The following PPM1K variants were observed in gnomAD, a reference collection of about 807,000 sequenced individuals.
PPM1K encodes the protein protein phosphatase, Mg2+/Mn2+ dependent 1K.
Under a neutral mutation model 32.6 loss-of-function variants are expected in PPM1K, and 19 were observed. The ratio of observed to expected loss-of-function variants is 0.58; its 90% confidence interval spans 0.41 to 0.86. PPM1K has a LOEUF of 0.86. Ranked by LOEUF, PPM1K falls within the 40% of genes least tolerant of loss-of-function variation. The pLI, the probability that PPM1K is intolerant of heterozygous loss-of-function variation, is 0.00. For synonymous variants in PPM1K, 159 were observed against 165.3 expected (o/e 0.96, Z 0.29); for missense variants, 362 against 461.2 (o/e 0.78, Z 1.97).
chr4:88,275,035 T>A, intron 3 of PPM1K: 1 of 794,272 alleles, frequency 1.3e-6, no homozygotes, highest in Non-Finnish European at 1.5e-6. Context: ...GAGCATCATC[T>A]TGTCTTGCTC....
At chr4:88,270,000 A>C (rs1484514153) in intron 3 of PPM1K, among the ~76,000 whole-genome samples, 1 of 152,258 alleles carries the variant, frequency 6.6e-6, no homozygotes, top group African/African-American at 2.4e-5. Flanking sequence ...AAATCGGAAA[A>C]GATAACTTAT....
rs1386544031 is a variant in PPM1K, at chr4:88,260,582, C to G, written c.*2013G>C. 2.0e-5 allele frequency: 3 copies of G among 151,302 alleles called. No homozygotes were observed. Among genetic ancestry groups the G allele is most frequent in the Non-Finnish European group, 4.4e-5 (3 of 67,940 alleles). The allele number at this position is 151,302 out of a possible 1,614,324, so 9.4% of individuals were successfully genotyped here. On this transcript the variant is annotated 3_prime_UTR_variant, in exon 7 of 7. Coordinates refer to ENST00000608933, the MANE Select transcript of PPM1K (RefSeq NM_152542.5). ...TGATGTTTTTCCTTCTTTCACCTAA[C>G]TTCCCTTGAAAAAAAAAATCAAAAT...
Position 88,284,470 on chromosome 4 carries a change from C to G in PPM1K, c.-124G>C, listed in dbSNP as rs943816303. On this transcript the variant is annotated 5_prime_UTR_variant, in exon 1 of 7. Transcript: ENST00000608933. ...TAACGGAGGACGGGGGAGGAGCTTT[C>G]TTGGTCGGTAAATAAGAGTGCCTTC... 1.3e-5 allele frequency: 2 copies of G among 152,336 alleles called. No homozygotes were observed. Among genetic ancestry groups the G allele is most frequent in the African/African-American group, 4.8e-5 (2 of 41,466 alleles). The allele number at this position is 152,336 out of a possible 1,614,324, so 9.4% of individuals were successfully genotyped here. A position where few individuals can be genotyped will look rare whatever the true frequency, so the allele number is the denominator to read the frequency against.
At chr4:88,272,488 C>G (rs17789147) in intron 3 of PPM1K, among the ~76,000 whole-genome samples, 49,207 of 152,066 alleles carry the variant, frequency 0.32, 8,789 homozygotes, top group Non-Finnish European at 0.4. Flanking sequence ...TGGAAACACT[C>G]TGAAGAGCTT....
At position 88,278,256 on chromosome 4, in the gene PPM1K, G is replaced by C. The variant is rs371058119; in HGVS notation, c.328C>G (p.Arg110Gly). ...TCTGTCAGCTGAGCGAAGTCAAACCGATCTTCATTCTCTTTCCGTTTGCCA... is the reference window on the plus strand; with the variant it reads ...TCTGTCAGCTGAGCGAAGTCAAACCCATCTTCATTCTCTTTCCGTTTGCCA... The part of the protein sequence containing the change: ...QIGKRKENED[R>G]FDFAQLTDEV... The change falls in exon 2 of 7, where the codon CGG becomes GGG. Residue 110 changes from arginine to glycine, a missense_variant. Transcript: ENST00000608933. The surrounding 1 kb of genome is among the most constrained non-coding windows in gnomAD (Gnocchi z 4.2). The C allele has an allele frequency of 6.2e-7, 1 of 1,614,174 alleles. No homozygotes were observed. The highest frequency in any genetic ancestry group is 8.5e-7 in the Non-Finnish European group (1 of 1,180,016).
rs1486929540 is a variant in PPM1K at position 88,260,791 on chromosome 4, TG to T, written c.*1803del. The T allele has an allele frequency of 6.6e-6, 1 of 152,102 alleles. No individual in the cohort carries two copies. Among genetic ancestry groups the T allele is most frequent in the Non-Finnish European group, 1.5e-5 (1 of 68,012 alleles). The allele number at this position is 152,102 out of a possible 1,614,324, so 9.4% of individuals were successfully genotyped here. A position where few individuals can be genotyped will look rare whatever the true frequency, so the allele number is the denominator to read the frequency against. On this transcript the variant is annotated 3_prime_UTR_variant, in exon 7 of 7. Transcript: ENST00000608933. ...AAAAAAAGTCAACTCAAAACACAGT[TG>T]AAGGTATATACTACATCAACTTTTT...
At chr4:88,265,228 GTCA>G in intron 5 of PPM1K, 93 bp from the exon 6 acceptor site, 1 of 1,454,216 alleles carries the variant, frequency 6.9e-7, no homozygotes, top group Non-Finnish European at 9.5e-7. Flanking sequence ...TTGCTAAGCG[GTCA>G]TCTGTGTAAC....
intron 3 of PPM1K, among the ~76,000 whole-genome samples, chr4:88,271,944 T>C (rs530255258): frequency 6.6e-6 from 1 of 152,346 alleles, no homozygotes; most frequent in Admixed American, 6.5e-5. Context: ...TAATTTTGTA[T>C]AATTCACAAA....
At chr4:88,263,236 C>T (rs1731192027) in intron 6 of PPM1K, among the ~76,000 whole-genome samples, 1 of 152,120 alleles carries the variant, frequency 6.6e-6, no homozygotes, top group African/African-American at 2.4e-5. Flanking sequence ...AAATAGCTAA[C>T]TCCACCAACA....
rs552001143 is a variant in PPM1K at position 88,269,812 on chromosome 4, G to C, written c.542-906C>G. ...AATAAAATTCATTGTTACTGGGCTTGAGGTCACCGTTTCCTCCATCCAACT... is the reference window on the plus strand; with the variant it reads ...AATAAAATTCATTGTTACTGGGCTTCAGGTCACCGTTTCCTCCATCCAACT... On this transcript the variant is annotated intron_variant, in intron 3 of 6. Transcript: ENST00000608933. Among the ~76,000 whole-genome samples, 30 of 152,324 alleles carry C rather than the reference G, an allele frequency of 2.0e-4. No individual in the cohort carries two copies. In the South Asian group the frequency reaches 6.0e-3, roughly 30 times the overall value.
rs1325417567 is a variant in PPM1K, at chr4:88,259,581, T to G, written c.*3014A>C. 1 of 152,238 alleles carries G rather than the reference T, an allele frequency of 6.6e-6. No individual in the cohort carries two copies. The highest frequency in any genetic ancestry group is 1.5e-5 in the Non-Finnish European group (1 of 68,044). The allele number at this position is 152,238 out of a possible 1,614,324, so 9.4% of individuals were successfully genotyped here. A position where few individuals can be genotyped will look rare whatever the true frequency, so the allele number is the denominator to read the frequency against. On this transcript the variant is annotated 3_prime_UTR_variant, in exon 7 of 7. Transcript: ENST00000608933. ...ACTGAAAAACTAGAGCAGTCCCTTTTTTTTTACTATGATTTGCATATTTTC... is the reference window on the plus strand; with the variant it reads ...ACTGAAAAACTAGAGCAGTCCCTTTGTTTTTACTATGATTTGCATATTTTC...
intron 2 of PPM1K, chr4:88,277,916 T>A: frequency 1.7e-6 from 1 of 574,472 alleles, no homozygotes; most frequent in East Asian, 2.9e-5. Context: ...TTAAGTGCTA[T>A]AGATTTTGGT....
rs1277555211 is a variant in PPM1K at position 88,267,112 on chromosome 4, AGGTGATGCTGGCTGATTGGGTGCG to A, written c.852+1054_852+1077del. 1.6e-4 allele frequency among the ~76,000 whole-genome samples: 23 copies of A among 142,698 alleles called. No homozygotes were observed. The South Asian group carries it at 4.1e-3, about 25-fold the overall frequency. The allele number at this position is 142,698 out of a possible 152,430, so 93.6% of individuals were successfully genotyped here. On this transcript the variant is annotated intron_variant, in intron 5 of 6. Transcript: ENST00000608933. Reference sequence around the variant, plus strand: ...GATGCAGGTGATGCTGATTGGGTGCAGGTGATGCTGGCTGATTGGGTGCGGGTGATGCTGGCTGATTGGGTGCAG... The same window carrying A: ...GATGCAGGTGATGCTGATTGGGTGCAGGTGATGCTGGCTGATTGGGTGCAG...
chr4:88,264,762 A>G (rs1160739313), intron 6 of PPM1K, among the ~76,000 whole-genome samples: 1 of 152,258 alleles, frequency 6.6e-6, no homozygotes, highest in Non-Finnish European at 1.5e-5. Context: ...TTAGTTTACT[A>G]TTATAATTTA....
At chr4:88,280,261 C>A (rs954433488) in intron 1 of PPM1K, among the ~76,000 whole-genome samples, 10 of 151,830 alleles carry the variant, frequency 6.6e-5, no homozygotes, top group African/African-American at 2.4e-4. Flanking sequence ...GATATTTAAG[C>A]AATTAAAAAA....
At chr4:88,280,410 G>GT (rs1731961456) in intron 1 of PPM1K, among the ~76,000 whole-genome samples, 2 of 152,178 alleles carry the variant, frequency 1.3e-5, no homozygotes, top group South Asian at 4.1e-4. Context: ...TCATTTCTTC[G>GT]TAAGACAACA....
chr4:88,264,877 T>C (rs1246044896), intron 6 of PPM1K, 124 bp downstream of exon 6: 1 of 1,028,894 alleles, frequency 9.7e-7, no homozygotes, highest in African/African-American at 1.6e-5. Flanking sequence ...AAAAATTTTA[T>C]AATTGGAAAT....
chr4:88,268,447 C>T (rs1731422984), intron 4 of PPM1K, 113 bp from the exon 5 acceptor site: 1 of 1,249,648 alleles, frequency 8.0e-7, no homozygotes, highest in South Asian at 1.3e-5. Context: ...ACGGTGAAAC[C>T]CCGTCTCTAC....
chr4:88,268,164 T>C, intron 5 of PPM1K, 26 bp downstream of exon 5: 1 of 1,612,446 alleles, frequency 6.2e-7, no homozygotes, highest in Non-Finnish European at 8.5e-7. Flanking sequence ...CGCAGGTTTA[T>C]CAAGTGTTTG....
Sources: allele counts gnomAD v4.1 joint callset (sites outside exome capture counted in the v4.1 genomes callset), GRCh38; gene constraint gnomAD v4.1.1; non-coding constraint Gnocchi (gnomAD v3.1); transcripts MANE v1.5; gene names NCBI Gene and HGNC (gene_info 2026-07-23, HGNC 2026-07-21).